The following DSCAM variants were observed in gnomAD, a reference collection of about 807,000 sequenced individuals.
DSCAM encodes cell adhesion molecule DSCAM.
Under a neutral mutation model 217.7 loss-of-function variants are expected in DSCAM, and 47 were observed. That is an observed-to-expected ratio of 0.22 (90% CI 0.17 to 0.28). The LOEUF (loss-of-function observed/expected upper bound fraction) is 0.28, where lower values mean the gene tolerates loss of function less well. Ranked by LOEUF, DSCAM falls within the 10% of genes least tolerant of loss-of-function variation. DSCAM has a pLI of 1.00. For synonymous variants in DSCAM, 1,056 were observed against 1,015.3 expected (o/e 1.04, Z -0.76); for missense variants, 2,080 against 2,618.3 (o/e 0.79, Z 4.49).
chr21:40,563,403 C>CTGG (rs2076735752), intron 3 of DSCAM, among the ~76,000 whole-genome samples: 1 of 149,310 alleles, frequency 6.7e-6, no homozygotes, highest in South Asian at 2.1e-4. Context: ...CTGAGAACTT[C>CTGG]AATCCAGAAA....
chr21:40,649,884 T>G (rs911000282), intron 3 of DSCAM, among the ~76,000 whole-genome samples: 3 of 152,118 alleles, frequency 2.0e-5, no homozygotes, highest in African/African-American at 7.2e-5. Flanking sequence ...CAAGGAAACT[T>G]GGAGAGAGAG....
intron 3 of DSCAM, among the ~76,000 whole-genome samples, chr21:40,617,757 G>T: frequency 6.6e-6 from 1 of 152,228 alleles, no homozygotes; most frequent in Middle Eastern, 3.2e-3. Context: ...CTTGTGCTCA[G>T]TTGAGGAGCA....
At chr21:40,167,807 C>A (rs1466978122) in intron 15 of DSCAM, among the ~76,000 whole-genome samples, 1 of 152,156 alleles carries the variant, frequency 6.6e-6, no homozygotes, top group African/African-American at 2.4e-5. Flanking sequence ...TGGCTCACGC[C>A]TGTAATCCCA....
At chr21:40,085,267 A>G (rs1322437271) in intron 23 of DSCAM, among the ~76,000 whole-genome samples, 1 of 152,198 alleles carries the variant, frequency 6.6e-6, no homozygotes, top group African/African-American at 2.4e-5. Context: ...GTTTTCTGGG[A>G]TACACTTACA....
At chr21:40,647,927 G>C (rs762114959) in intron 3 of DSCAM, among the ~76,000 whole-genome samples, 18 of 152,178 alleles carry the variant, frequency 1.2e-4, no homozygotes, top group Non-Finnish European at 2.5e-4. Context: ...GTGCCAAACA[G>C]TGACGCTGAG....
At chr21:40,039,332 A>C (rs1209123717) in intron 32 of DSCAM, among the ~76,000 whole-genome samples, 1 of 152,136 alleles carries the variant, frequency 6.6e-6, no homozygotes, top group Non-Finnish European at 1.5e-5. Context: ...AATGGAAAAT[A>C]AGTCACTTTG....
chr21:40,112,134 C>G (rs1009492489), intron 20 of DSCAM, among the ~76,000 whole-genome samples: 21 of 148,174 alleles, frequency 1.4e-4, no homozygotes, highest in African/African-American at 5.2e-4. Flanking sequence ...CACCACACCA[C>G]ACGTATTCCA....
At chr21:40,292,500 C>CA (rs202072553) in intron 10 of DSCAM, among the ~76,000 whole-genome samples, 8,162 of 133,866 alleles carry the variant, frequency 0.061, 229 homozygotes, top group East Asian at 0.091. Context: ...TGGAAAATGT[C>CA]AAAAAAAAAA....
At chr21:40,830,632 T>G (rs1252912306) in intron 1 of DSCAM, among the ~76,000 whole-genome samples, 1 of 152,176 alleles carries the variant, frequency 6.6e-6, no homozygotes, top group Non-Finnish European at 1.5e-5. Flanking sequence ...GTATGCCTTC[T>G]CTAGGAAAGG....
intron 27 of DSCAM, among the ~76,000 whole-genome samples, chr21:40,072,492 G>A (rs113542099): frequency 0.033 from 5,085 of 151,878 alleles, 269 homozygotes; most frequent in African/African-American, 0.12. Context: ...GACTACAGGC[G>A]CCCGCCACCA....
chr21:40,832,929 A>G (rs1231959720), intron 1 of DSCAM, among the ~76,000 whole-genome samples: 3 of 15,350 alleles, frequency 2.0e-4, no homozygotes, highest in African/African-American at 6.0e-4. Flanking sequence ...AACGAACCTC[A>G]CCTCAAAAAA....
intron 11 of DSCAM, among the ~76,000 whole-genome samples, chr21:40,199,946 A>G (rs916491785): frequency 6.6e-6 from 1 of 152,114 alleles, no homozygotes. Context: ...AAAATTAAAA[A>G]AACAAAAAAC....
chr21:40,811,470 G>A (rs1356906980), intron 1 of DSCAM, among the ~76,000 whole-genome samples: 1 of 152,196 alleles, frequency 6.6e-6, no homozygotes, highest in Non-Finnish European at 1.5e-5. Flanking sequence ...TCATCAACAT[G>A]AATTCTGGAA....
At chr21:40,316,456 G>A (rs16999671) in intron 8 of DSCAM, among the ~76,000 whole-genome samples, 5,439 of 152,228 alleles carry the variant, frequency 0.036, 209 homozygotes, top group African/African-American at 0.095. Flanking sequence ...TAAGACATAA[G>A]ATCGATGGCA....
At chr21:40,627,004 A>C (rs2089609867) in intron 3 of DSCAM, among the ~76,000 whole-genome samples, 1 of 152,202 alleles carries the variant, frequency 6.6e-6, no homozygotes. Context: ...TCTGGTTTCC[A>C]TATGCTCAGC....
At position 40,752,413 on chromosome 21, in the gene DSCAM, G is replaced by A. The variant is rs565259128; in HGVS notation, c.44-43642C>T. On this transcript the variant is annotated intron_variant, in intron 1 of 32. Transcript: ENST00000400454. ...TGCTGCAGCAAGAGGCAGGGACCAC[G>A]TTTAATGCTTTTCCTTGGGAAACTG... 3.3e-5 allele frequency among the ~76,000 whole-genome samples: 5 copies of A among 152,294 alleles called. No individual in the cohort carries two copies. In the South Asian group the frequency reaches 8.3e-4, roughly 25 times the overall value.
At chr21:40,288,628 T>A (rs1247870573) in intron 10 of DSCAM, among the ~76,000 whole-genome samples, 1 of 152,346 alleles carries the variant, frequency 6.6e-6, no homozygotes, top group South Asian at 2.1e-4. Context: ...CATTTTCCCC[T>A]TAGACAATAA....
chr21:40,207,313 G>A (rs1335967454), intron 11 of DSCAM, among the ~76,000 whole-genome samples: 1 of 152,118 alleles, frequency 6.6e-6, no homozygotes, highest in African/African-American at 2.4e-5. Flanking sequence ...TCTTGCCATT[G>A]CAGAGCAGAT....
chr21:40,605,724 G>A (rs2089225987), intron 3 of DSCAM, among the ~76,000 whole-genome samples: 2 of 149,210 alleles, frequency 1.3e-5, no homozygotes, highest in Admixed American at 1.3e-4. Flanking sequence ...TAGTAAACAT[G>A]AGCAAAGGTG....
Sources: gnomAD v4.1 joint callset for allele counts (sites outside exome capture counted in the v4.1 genomes callset) on GRCh38, gnomAD v4.1.1 for gene constraint, MANE v1.5 for transcripts, NCBI Gene and HGNC (gene_info 2026-07-23, HGNC 2026-07-21) for gene names.